Variants in SUB1 observed in about 807,000 individuals in gnomAD.
The protein encoded by SUB1 is activated RNA polymerase II transcriptional coactivator p15.
Under a neutral mutation model 16.9 loss-of-function variants are expected in SUB1, and 1 was observed. The observed-to-expected ratio is 0.06, with a 90% CI of 0.02 to 0.28. The LOEUF (loss-of-function observed/expected upper bound fraction) is 0.28. Ranked by LOEUF, SUB1 falls within the 10% of genes least tolerant of loss-of-function variation. The pLI, the probability that SUB1 is intolerant of heterozygous loss-of-function variation, is 1.00. For synonymous variants in SUB1, 51 were observed against 46.9 expected (o/e 1.09, Z -0.36); for missense variants, 84 against 145.2 (o/e 0.58, Z 2.16).
In SUB1 at chr5:32,602,770, T is replaced by C. The variant is rs1403294020; in HGVS notation, c.*1686T>C. ...TAGGTACCAGTGTATTAAAAATGTG[T>C]ATTTTTTGCAGCCCCTTGAACCAGA... On this transcript the variant is annotated 3_prime_UTR_variant, in exon 5 of 5. Coordinates refer to ENST00000265073, the MANE Select transcript of SUB1 (RefSeq NM_006713.4). 2.6e-5 allele frequency: 4 copies of C among 152,634 alleles called. No individual in the cohort carries two copies. The highest frequency in any genetic ancestry group is 5.9e-5 in the Non-Finnish European group (4 of 68,342). The allele number at this position is 152,634 out of a possible 1,614,324, so 9.5% of individuals were successfully genotyped here.
intron 2 of SUB1, among the ~76,000 whole-genome samples, chr5:32,589,195 C>T (rs950438468): frequency 1.3e-5 from 2 of 151,996 alleles, no homozygotes; most frequent in African/African-American, 2.4e-5. Context: ...CTCAAGCAGT[C>T]CTCCCACCTC....
At chr5:32,590,415 TAAG>T (rs1158102044) in intron 2 of SUB1, among the ~76,000 whole-genome samples, 1 of 151,998 alleles carries the variant, frequency 6.6e-6, no homozygotes, top group African/African-American at 2.4e-5. Flanking sequence ...GACTTTCTAA[TAAG>T]CTTTTAAAAT....
rs1739178346 is a variant in SUB1, at chr5:32,603,999, C to T, written c.*2915C>T. The T allele has an allele frequency of 6.6e-6, 1 of 151,736 alleles. No homozygotes were observed. The highest frequency in any genetic ancestry group is 2.1e-4 in the South Asian group (1 of 4,820). 9.4% of individuals were successfully genotyped at this position (151,736 alleles called of 1,614,324 possible). On this transcript the variant is annotated 3_prime_UTR_variant, in exon 5 of 5. Coordinates refer to ENST00000265073, the MANE Select transcript of SUB1 (RefSeq NM_006713.4). ...GTGGAATGCTTGTATGCTTTGTTTT[C>T]GTACATCTTCCATGGAGATGTCTGA...
At position 32,602,347 on chromosome 5, in the gene SUB1, A is replaced by G. The variant is rs2111693419; in HGVS notation, c.*1263A>G. 2.9e-6 allele frequency: 1 copy of G among 342,560 alleles called. No individual in the cohort carries two copies. The highest frequency in any genetic ancestry group is 8.1e-5 in the East Asian group (1 of 12,392). The allele number at this position is 342,560 out of a possible 1,614,324, so 21.2% of individuals were successfully genotyped here. On this transcript the variant is annotated 3_prime_UTR_variant, in exon 5 of 5. Transcript: ENST00000265073. ...TAATTCTCTTCTATCTAAATGATAT[A>G]CATATGATATTTTGAGATTTTTATA... is the stretch of plus-strand genomic sequence containing the variant.
intron 3 of SUB1, chr5:32,596,562 C>T (rs1738970049): frequency 6.6e-6 from 1 of 152,136 alleles, no homozygotes; most frequent in East Asian, 1.9e-4. Flanking sequence ...ATTAATTTCT[C>T]TGTGTATGAT....
rs552812276 is a variant in SUB1 at position 32,594,925 on chromosome 5, G to A, written c.195+3240G>A. The stretch of plus-strand genomic sequence containing the variant: ...TCAGAGGGGACAGGGAATCAAATTC[G>A]TATAAGAATCACAGTTCTTTATGAT... On this transcript the variant is annotated intron_variant, in intron 3 of 4. Coordinates refer to ENST00000265073, the MANE Select transcript of SUB1 (RefSeq NM_006713.4). 3 of 155,092 alleles carry A rather than the reference G, an allele frequency of 1.9e-5. No individual in the cohort carries two copies. In the East Asian group the frequency reaches 5.7e-4, roughly 29 times the overall value. 9.6% of individuals were successfully genotyped at this position (155,092 alleles called of 1,614,324 possible). A position where few individuals can be genotyped will look rare whatever the true frequency, so the allele number is the denominator to read the frequency against.
intron 3 of SUB1, 41 bp from the exon 4 acceptor site, chr5:32,598,920 C>A: frequency 6.7e-7 from 1 of 1,487,254 alleles, no homozygotes; most frequent in Non-Finnish European, 9.3e-7. Flanking sequence ...AGATACCACT[C>A]TTGAAAGGAG....
chr5:32,599,370 A>G (rs1739059308), intron 4 of SUB1, among the ~76,000 whole-genome samples: 1 of 152,360 alleles, frequency 6.6e-6, no homozygotes, highest in Middle Eastern at 3.4e-3. Flanking sequence ...ATTAGGCACT[A>G]TCTGGGAACT....
chr5:32,593,876 T>C (rs1738891556), intron 3 of SUB1, among the ~76,000 whole-genome samples: 1 of 152,152 alleles, frequency 6.6e-6, no homozygotes, highest in Admixed American at 6.5e-5. Flanking sequence ...GTATTTTTAG[T>C]AGAGACGGGA....
intron 2 of SUB1, among the ~76,000 whole-genome samples, chr5:32,591,020 C>T (rs1738811459): frequency 6.6e-6 from 1 of 151,914 alleles, no homozygotes; most frequent in South Asian, 2.1e-4. Context: ...CCTCCCGCCT[C>T]GGACTCCCAA....
intron 4 of SUB1, among the ~76,000 whole-genome samples, chr5:32,600,191 T>C (rs1471154): frequency 0.83 from 125,976 of 152,206 alleles, 52,739 homozygotes; most frequent in Non-Finnish European, 0.89. Context: ...TTAACCCTGA[T>C]AGGGTGACCC....
Position 32,602,144 on chromosome 5 carries a change from TA to T in SUB1, c.*1062del. 6.8e-6 allele frequency: 3 copies of T among 441,526 alleles called. No individual in the cohort carries two copies. Among genetic ancestry groups the T allele is most frequent in the Non-Finnish European group, 1.4e-5 (3 of 221,526 alleles). 27.4% of individuals were successfully genotyped at this position (441,526 alleles called of 1,614,324 possible). A position where few individuals can be genotyped will look rare whatever the true frequency, so the allele number is the denominator to read the frequency against. On this transcript the variant is annotated 3_prime_UTR_variant, in exon 5 of 5. Transcript: ENST00000265073. The stretch of plus-strand genomic sequence containing the variant: ...AATGGCATTCTAGACTTGATGATAC[TA>T]AGTTTTAGCAGACACTAGTAAGTGG...
rs1052017458 is a variant in SUB1, at chr5:32,601,971, T to G, written c.*887T>G. Reference sequence around the variant, plus strand: ...TGTGAAAGCTTACTGGCCTAACATTTTATTTTATAATATTGGGTATGAATT... The same window carrying G: ...TGTGAAAGCTTACTGGCCTAACATTGTATTTTATAATATTGGGTATGAATT... On this transcript the variant is annotated 3_prime_UTR_variant, in exon 5 of 5. Coordinates refer to ENST00000265073, the MANE Select transcript of SUB1 (RefSeq NM_006713.4). The G allele has an allele frequency of 8.4e-5, 14 of 166,460 alleles. No homozygotes were observed. Among genetic ancestry groups the G allele is most frequent in the Non-Finnish European group, 5.3e-5 (4 of 75,960 alleles). The allele number at this position is 166,460 out of a possible 1,614,324, so 10.3% of individuals were successfully genotyped here. A position where few individuals can be genotyped will look rare whatever the true frequency, so the allele number is the denominator to read the frequency against.
chr5:32,600,691 C>T (rs1183863626), intron 4 of SUB1, among the ~76,000 whole-genome samples: 1 of 151,920 alleles, frequency 6.6e-6, no homozygotes, highest in East Asian at 1.9e-4. Context: ...GTAACTTCCA[C>T]CTCCCAGGTT....
intron 2 of SUB1, among the ~76,000 whole-genome samples, chr5:32,590,937 T>G (rs1561033666): frequency 6.6e-6 from 1 of 151,642 alleles, no homozygotes; most frequent in African/African-American, 2.4e-5. Flanking sequence ...TGGCTAACTT[T>G]TTTTGTATTT....
In SUB1 at chr5:32,601,585, A is replaced by G. The variant is rs1739115701; in HGVS notation, c.*501A>G. The G allele has an allele frequency of 6.5e-6, 1 of 152,962 alleles. No individual in the cohort carries two copies. The highest frequency in any genetic ancestry group is 6.5e-5 in the Admixed American group (1 of 15,322). The allele number at this position is 152,962 out of a possible 1,614,324, so 9.5% of individuals were successfully genotyped here. The stretch of plus-strand genomic sequence containing the variant: ...TACTTCATTTTCCTTTAATAACTTA[A>G]TCTCTTCATGTTCAGTTTTTACTTC... On this transcript the variant is annotated 3_prime_UTR_variant, in exon 5 of 5. Coordinates refer to ENST00000265073, the MANE Select transcript of SUB1 (RefSeq NM_006713.4).
At position 32,591,596 on chromosome 5, in the gene SUB1, C is replaced by G. The variant is rs374293299; in HGVS notation, c.106C>G (p.Pro36Ala). The part of the protein sequence containing the change: ...KRKKQVAPEK[P>A]VKKQKTGETS... ...GAAAAAGCAAGTTGCTCCAGAAAAA[C>G]CTGTAAAGAAACAAAAGACAGGTGA... Residue 36 changes from proline to alanine, a missense_variant, in exon 3 of 5, where the codon CCT becomes GCT. Physicochemically the swap from Pro to Ala is conservative, Grantham distance 27. Around this residue, in one of 2 missense-constraint regions of SUB1, gnomAD observed 60 missense variants for 64.9 expected, o/e 0.92. Coordinates refer to ENST00000265073, the MANE Select transcript of SUB1 (RefSeq NM_006713.4). 19 of 1,607,650 alleles carry G rather than the reference C, an allele frequency of 1.2e-5. No homozygotes were observed. The African/African-American group carries it at 1.7e-4, about 15-fold the overall frequency.
At chr5:32,586,341 G>C (rs1213155566) in intron 1 of SUB1, 1 of 152,016 alleles carries the variant, frequency 6.6e-6, no homozygotes, top group African/African-American at 2.4e-5. Context: ...TTTTCACCTC[G>C]TTTTTTTCTG....
intron 3 of SUB1, chr5:32,596,657 T>A (rs1183108024): frequency 1.3e-5 from 2 of 152,326 alleles, no homozygotes; most frequent in African/African-American, 4.8e-5. Flanking sequence ...AGTATTCTTA[T>A]TCCTTTGAAT....
Sources: allele counts gnomAD v4.1 joint callset (sites outside exome capture counted in the v4.1 genomes callset), GRCh38; gene constraint gnomAD v4.1.1; regional missense constraint gnomAD v4.1.1; transcripts MANE v1.5; gene names NCBI Gene and HGNC (gene_info 2026-07-23, HGNC 2026-07-21).